The following DAB1 variants were observed in gnomAD, a reference collection of about 807,000 sequenced individuals.
The protein encoded by DAB1 is disabled homolog 1.
A neutral mutation model predicts 64.6 loss-of-function variants in DAB1; 15 were observed. That is an observed-to-expected ratio of 0.23 (90% CI 0.16 to 0.36). DAB1 has a LOEUF of 0.36. Ranked by LOEUF, DAB1 falls within the 10% of genes least tolerant of loss-of-function variation. The probability of loss-of-function intolerance (pLI) is 1.00; values close to 1 mark genes in which losing one functional copy is unlikely to be tolerated. For synonymous variants in DAB1, 235 were observed against 251.9 expected, an observed-to-expected ratio of 0.93 and a Z score of 0.64; for missense variants, 596 against 706.7, an observed-to-expected ratio of 0.84 and a Z score of 1.78.
chr1:58,147,434 T>A (rs916219335), intron 5 of DAB1, among the ~76,000 whole-genome samples: 1 of 148,474 alleles, frequency 6.7e-6, no homozygotes, highest in African/African-American at 2.5e-5. Context: ...CTGGCTAACA[T>A]AGTGAAATCC....
chr1:57,480,409 G>T (rs1289386788), intron 7 of DAB1, among the ~76,000 whole-genome samples: 1 of 151,936 alleles, frequency 6.6e-6, no homozygotes, highest in Non-Finnish European at 1.5e-5. Flanking sequence ...GACTTAAGTA[G>T]TATTATTATT....
At chr1:57,508,296 G>T (rs1644368694) in intron 7 of DAB1, among the ~76,000 whole-genome samples, 1 of 152,120 alleles carries the variant, frequency 6.6e-6, no homozygotes, top group Admixed American at 6.5e-5. Flanking sequence ...GAGGGCAGAG[G>T]CTTCTATCTA....
chr1:57,698,240 C>T lies in DAB1; in HGVS notation n.552-48575G>A, dbSNP rs549803680. ...TAGCTGGGACTACAAGCATGCACCA[C>T]CATGCCCTCTAACTTTTAAACATTT... On this transcript the variant is annotated intron_variant and non_coding_transcript_variant, in intron 6 of 20. Transcript: ENST00000485760. Among the ~76,000 whole-genome samples the T allele has an allele frequency of 5.3e-5, 8 of 151,564 alleles. No individual in the cohort carries two copies. In the East Asian group the frequency reaches 1.6e-3, roughly 30 times the overall value.
chr1:58,266,596 A>G (rs1345766582), intron 4 of DAB1, among the ~76,000 whole-genome samples: 1 of 152,168 alleles, frequency 6.6e-6, no homozygotes, highest in East Asian at 1.9e-4. Context: ...AAACGTTTAC[A>G]TGTTTAGGGC....
chr1:57,452,166 C>CCTTTTTTTTTTTT (rs367685387), intron 7 of DAB1, among the ~76,000 whole-genome samples: 2 of 75,012 alleles, frequency 2.7e-5, no homozygotes, highest in Non-Finnish European at 2.3e-5. Flanking sequence ...TGCACCCCCC[C>CCTTTTTTTTTTTT]TTTTTTTTTT....
intron 2 of DAB1, among the ~76,000 whole-genome samples, chr1:57,243,259 T>C (rs891324788): frequency 4.6e-5 from 7 of 152,208 alleles, no homozygotes; most frequent in East Asian, 1.9e-4. Flanking sequence ...GGTGTAATTA[T>C]GAGTGGTCCC....
chr1:57,243,800 A>G (rs1668670821), intron 2 of DAB1, among the ~76,000 whole-genome samples: 1 of 152,174 alleles, frequency 6.6e-6, no homozygotes, highest in Non-Finnish European at 1.5e-5. Context: ...CACCAATGGC[A>G]TAGACCAACC....
chr1:58,515,421 A>G (rs1293008225), intron 2 of DAB1, among the ~76,000 whole-genome samples: 2 of 152,152 alleles, frequency 1.3e-5, no homozygotes, highest in African/African-American at 2.4e-5. Context: ...AATATAATAA[A>G]TTAAGTTTTA....
At chr1:58,453,003 G>A (rs1166057302) in intron 3 of DAB1, among the ~76,000 whole-genome samples, 2 of 152,130 alleles carry the variant, frequency 1.3e-5, no homozygotes, top group African/African-American at 4.8e-5. Context: ...CCAAACACTG[G>A]AAACAATGCG....
chr1:58,332,376 G>A (rs12132836), intron 4 of DAB1, among the ~76,000 whole-genome samples: 2 of 151,888 alleles, frequency 1.3e-5, no homozygotes, highest in Admixed American at 6.6e-5. Flanking sequence ...GCAGCGTTTC[G>A]CCAAAGCTTT....
At chr1:57,855,783 C>T (rs1180754332) in intron 1 of DAB1, among the ~76,000 whole-genome samples, 1 of 152,018 alleles carries the variant, frequency 6.6e-6, no homozygotes, top group Non-Finnish European at 1.5e-5. Context: ...AATATGGAGA[C>T]CACAGGAGGT....
chr1:57,661,668 A>G (rs548425811), intron 6 of DAB1, among the ~76,000 whole-genome samples: 5 of 152,168 alleles, frequency 3.3e-5, no homozygotes, highest in Non-Finnish European at 7.4e-5. Context: ...TTACTTACAT[A>G]TAACCTACAC....
chr1:57,816,335 C>T (rs1179892069), intron 6 of DAB1, among the ~76,000 whole-genome samples: 1 of 152,224 alleles, frequency 6.6e-6, no homozygotes, highest in Non-Finnish European at 1.5e-5. Context: ...AGGTGCACCT[C>T]AACACCTTCC....
At chr1:58,337,463 T>C (rs984901784) in intron 4 of DAB1, among the ~76,000 whole-genome samples, 6 of 152,234 alleles carry the variant, frequency 3.9e-5, no homozygotes, top group Admixed American at 6.5e-5. Context: ...CATTCTTTAA[T>C]GTTATTTGGA....
chr1:58,130,563 T>C (rs1653478238), intron 5 of DAB1, among the ~76,000 whole-genome samples: 1 of 152,136 alleles, frequency 6.6e-6, no homozygotes, highest in African/African-American at 2.4e-5. Flanking sequence ...TGATGGTCTT[T>C]ACATTTTGGC....
chr1:57,781,022 C>T (rs1650043204), intron 6 of DAB1, among the ~76,000 whole-genome samples: 1 of 150,748 alleles, frequency 6.6e-6, no homozygotes, highest in Non-Finnish European at 1.5e-5. Context: ...GCCACCGCCC[C>T]TGGCGTTTTG....
intron 7 of DAB1, among the ~76,000 whole-genome samples, chr1:57,632,160 CTTATAA>C: frequency 6.6e-6 from 1 of 152,308 alleles, no homozygotes; most frequent in South Asian, 2.1e-4. Flanking sequence ...CCAAAGGACT[CTTATAA>C]TAATTCCACA....
chr1:57,134,396 G>C (rs1393379025), intron 4 of DAB1, among the ~76,000 whole-genome samples: 1 of 151,898 alleles, frequency 6.6e-6, no homozygotes, highest in African/African-American at 2.4e-5. Context: ...GACCAGCCTG[G>C]CCAACATGGT....
chr1:57,659,489 A>G (rs1646359318), intron 6 of DAB1, among the ~76,000 whole-genome samples: 1 of 152,152 alleles, frequency 6.6e-6, no homozygotes, highest in African/African-American at 2.4e-5. Context: ...AGTGGTTGAC[A>G]AGCTTTGGGA....
Sources: gnomAD v4.1 joint callset for allele counts (sites outside exome capture counted in the v4.1 genomes callset) on GRCh38, gnomAD v4.1.1 for gene constraint, MANE v1.5 for transcripts, NCBI Gene and HGNC (gene_info 2026-07-23, HGNC 2026-07-21) for gene names.